ZNF595: variants seen among roughly 807,000 people sequenced by gnomAD.
ZNF595 encodes the protein zinc finger protein 595.
A neutral mutation model predicts 19.4 loss-of-function variants in ZNF595; 9 were observed. The observed-to-expected ratio is 0.46, with a 90% CI of 0.28 to 0.81. The LOEUF (loss-of-function observed/expected upper bound fraction) is 0.81, where lower values mean the gene tolerates loss of function less well. Among genes scored for constraint, ZNF595 ranks in the 30% least tolerant of loss-of-function variants. ZNF595 has a pLI of 0.11. For missense variants in ZNF595, 729 were observed against 736.0 expected, an observed-to-expected ratio of 0.99 and a Z score of 0.11; for synonymous variants, 255 against 255.9, an observed-to-expected ratio of 1.00 and a Z score of 0.03.
intron 3 of ZNF595, among the ~76,000 whole-genome samples, chr4:66,761 G>C (rs1390817470): frequency 0.022 from 3,369 of 152,078 alleles, 30 homozygotes; most frequent in Non-Finnish European, 0.034. Flanking sequence ...ATACACAGTG[G>C]TTTGTTTTTG....
rs1553802220 is a variant in ZNF595, at chr4:87,594, A to G, written c.*143A>G. 3.0e-6 allele frequency: 2 copies of G among 666,304 alleles called. No individual in the cohort carries two copies. The highest frequency in any genetic ancestry group is 1.8e-5 in the African/African-American group (1 of 54,274). The allele number at this position is 666,304 out of a possible 1,614,324, so 41.3% of individuals were successfully genotyped here. A position where few individuals can be genotyped will look rare whatever the true frequency, so the allele number is the denominator to read the frequency against. ...AGGTACATAGTATGTGTATCTATTC[A>G]TGGCTTATTTGGATTATTTTGATAC... On this transcript the variant is annotated 3_prime_UTR_variant, in exon 4 of 4. Transcript: ENST00000610261.
intron 3 of ZNF595, among the ~76,000 whole-genome samples, chr4:82,068 C>A (rs1419685036): frequency 6.6e-6 from 1 of 151,936 alleles, no homozygotes; most frequent in Non-Finnish European, 1.5e-5. Context: ...CACCTGTATA[C>A]CCATACTAAA....
intron 3 of ZNF595, among the ~76,000 whole-genome samples, chr4:83,214 T>G (rs1713987934): frequency 6.6e-6 from 1 of 152,166 alleles, no homozygotes; most frequent in Non-Finnish European, 1.5e-5. Context: ...TAGATGTACT[T>G]TGGGTAATAT....
rs1376921947 is a variant in ZNF595, at chr4:86,502, T to C, written c.998T>C (p.Ile333Thr). Residue 333 changes from isoleucine to threonine, a missense_variant, in exon 4 of 4, where the codon ATT becomes ACT. By Grantham distance (89) the Ile-to-Thr change is moderately conservative. This residue lies in a region of ZNF595 where 729 missense variants were observed against 675.3 expected (regional missense o/e 1.08). Transcript: ENST00000610261. ...AGGAGCCTGAATGAACATAAAAATA[T>C]TCATACTGGCGAAAAACCCTACACA... The part of the protein sequence containing the change: ...QSRSLNEHKN[I>T]HTGEKPYTCE... 2.5e-6 allele frequency: 4 copies of C among 1,613,868 alleles called. No individual in the cohort carries two copies. Among genetic ancestry groups the C allele is most frequent in the Non-Finnish European group, 2.5e-6 (3 of 1,179,962 alleles).
chr4:66,227 G>T (rs1198251406), intron 3 of ZNF595, among the ~76,000 whole-genome samples: 76 of 149,508 alleles, frequency 5.1e-4, no homozygotes, highest in Non-Finnish European at 6.1e-4. Flanking sequence ...CCTCATTGTG[G>T]TTTTTCTTTA....
chr4:83,599 G>GA (rs1268199352), intron 3 of ZNF595, among the ~76,000 whole-genome samples: 10 of 117,766 alleles, frequency 8.5e-5, no homozygotes, highest in African/African-American at 1.3e-4. Flanking sequence ...CAGCCTGGGT[G>GA]ACAGAGTGAG....
In ZNF595 at chr4:87,586, A is replaced by G; in HGVS notation, c.*135A>G. On this transcript the variant is annotated 3_prime_UTR_variant, in exon 4 of 4. Transcript: ENST00000610261. The stretch of plus-strand genomic sequence containing the variant: ...ATTTCTGTAGGTACATAGTATGTGT[A>G]TCTATTCATGGCTTATTTGGATTAT... 2.8e-6 allele frequency: 2 copies of G among 725,748 alleles called. No individual in the cohort carries two copies. Among genetic ancestry groups the G allele is most frequent in the Non-Finnish European group, 2.1e-6 (1 of 479,192 alleles). The allele number at this position is 725,748 out of a possible 1,614,324, so 45.0% of individuals were successfully genotyped here.
At position 86,714 on chromosome 4, in the gene ZNF595, G is replaced by A. The variant is rs781902299; in HGVS notation, c.1210G>A (p.Ala404Thr). ...KPYTCEECGKAFYRSSHLAKH... is the reference protein window; with the variant it reads ...KPYTCEECGKTFYRSSHLAKH... ...CTACACATGTGAAGAATGTGGCAAA[G>A]CTTTTTATAGGTCCTCACACCTTGC... is the stretch of plus-strand genomic sequence containing the variant. The change falls in exon 4 of 4, where the codon GCT becomes ACT. Residue 404 changes from alanine to threonine, a missense_variant. Physicochemically the swap from Ala to Thr is moderately conservative, Grantham distance 58 (BLOSUM62 0). Coordinates refer to ENST00000610261, the MANE Select transcript of ZNF595 (RefSeq NM_182524.4). The A allele has an allele frequency of 1.9e-6, 3 of 1,613,728 alleles. No homozygotes were observed. The highest frequency in any genetic ancestry group is 1.1e-5 in the South Asian group (1 of 91,052).
Position 86,653 on chromosome 4 carries a change from T to C in ZNF595, c.1149T>C (p.Leu383=), listed in dbSNP as rs782769942. The C allele has an allele frequency of 6.2e-7, 1 of 1,603,794 alleles. No individual in the cohort carries two copies. Among genetic ancestry groups the C allele is most frequent in the Non-Finnish European group, 8.5e-7 (1 of 1,176,546 alleles). Residue 383 remains leucine (L), a synonymous_variant, in exon 4 of 4, where the codon CTT becomes CTC. Coordinates refer to ENST00000610261, the MANE Select transcript of ZNF595 (RefSeq NM_182524.4). ...AAGCCTTTACTTGGTCCTCATCCCT[T>C]AATAAACATAAGAGAATTCATACTG... ...CGKAFTWSSS[L]NKHKRIHTGE...
chr4:85,353 G>T (rs1714087870), intron 3 of ZNF595, among the ~76,000 whole-genome samples: 2 of 152,302 alleles, frequency 1.3e-5, no homozygotes, highest in South Asian at 2.1e-4. Context: ...AAAGCCAGAA[G>T]TAAGGATATG....
chr4:57,975 C>T (rs1712694936), intron 1 of ZNF595, among the ~76,000 whole-genome samples: 3 of 152,404 alleles, frequency 2.0e-5, no homozygotes, highest in South Asian at 2.1e-4. Context: ...AAAGACAAAA[C>T]TGAAACTACT....
At position 85,806 on chromosome 4, in the gene ZNF595, A is replaced by T. The variant is rs1560093928; in HGVS notation, c.302A>T (p.Lys101Ile). ...GATTCATTCCACAAACTTATACTGAAAAGATACGAGAAATGTGGACATGAG... is the reference window on the plus strand; with the variant it reads ...GATTCATTCCACAAACTTATACTGATAAGATACGAGAAATGTGGACATGAG... ...IEDSFHKLIL[K>I]RYEKCGHENL... Residue 101 changes from lysine to isoleucine, a missense_variant, in exon 4 of 4, where the codon AAA (lysine) becomes ATA (isoleucine). By Grantham distance (102) the Lys-to-Ile change is moderately radical. Transcript: ENST00000610261. 6.2e-7 allele frequency: 1 copy of T among 1,613,890 alleles called. No individual in the cohort carries two copies. The highest frequency in any genetic ancestry group is 2.2e-5 in the East Asian group (1 of 44,858).
In ZNF595 at chr4:86,797, A is replaced by G; in HGVS notation, c.1293A>G (p.Lys431=). 1 of 1,613,976 alleles carries G rather than the reference A, an allele frequency of 6.2e-7. No homozygotes were observed. Among genetic ancestry groups the G allele is most frequent in the Non-Finnish European group, 8.5e-7 (1 of 1,179,912 alleles). Residue 431 remains lysine (K), a synonymous_variant, in exon 4 of 4, where the codon AAA becomes AAG. Transcript: ENST00000610261. ...EKPYTCEECG[K]AFNQSSTLIL... ...CCTACACGTGCGAAGAATGTGGCAAAGCTTTTAACCAATCCTCAACTCTTA... is the reference window on the plus strand; with the variant it reads ...CCTACACGTGCGAAGAATGTGGCAAGGCTTTTAACCAATCCTCAACTCTTA...
rs543032319 is a variant in ZNF595, at chr4:86,832, A to G, written c.1328A>G (p.Lys443Arg). 1.2e-4 allele frequency: 197 copies of G among 1,613,160 alleles called. 6 individuals are homozygous for G. In the South Asian group the frequency reaches 2.0e-3, roughly 17 times the overall value. The change falls in exon 4 of 4, where the codon AAG becomes AGG. Residue 443 changes from lysine (K) to arginine (R), a missense_variant. Coordinates refer to ENST00000610261, the MANE Select transcript of ZNF595 (RefSeq NM_182524.4). ...CAATCCTCAACTCTTATATTACACA[A>G]GAGAATCCATTCTGGGCAAAAACCT... ...FNQSSTLILH[K>R]RIHSGQKPYK...
chr4:64,502 C>A (rs1581328256), intron 3 of ZNF595, among the ~76,000 whole-genome samples: 2 of 152,400 alleles, frequency 1.3e-5, no homozygotes, highest in African/African-American at 4.8e-5. Flanking sequence ...ACCTGTAATG[C>A]CAGCACATTG....
intron 1 of ZNF595, among the ~76,000 whole-genome samples, chr4:54,983 G>T (rs1435710436): frequency 3.3e-5 from 5 of 151,372 alleles, no homozygotes; most frequent in Non-Finnish European, 7.4e-5. Flanking sequence ...CCAGGTTCAC[G>T]CCATTCTCCT....
At position 87,230 on chromosome 4, in the gene ZNF595, T is replaced by A; in HGVS notation, c.1726T>A (p.Ser576Thr). 5 of 1,595,032 alleles carry A rather than the reference T, an allele frequency of 3.1e-6. No homozygotes were observed. Among genetic ancestry groups the A allele is most frequent in the Non-Finnish European group, 4.3e-6 (5 of 1,167,700 alleles). ...CKECGKAYNL[S>T]STLTKHKRIH... ...AGAATGTGGCAAAGCCTATAACTTA[T>A]CCTCAACCCTTACTAAACATAAGAG... Residue 576 changes from serine to threonine, a missense_variant, in exon 4 of 4, where the codon TCC (serine) becomes ACC (threonine). Around this residue, in one of 2 missense-constraint regions of ZNF595, gnomAD observed 729 missense variants for 675.3 expected, o/e 1.08. Coordinates refer to ENST00000610261, the MANE Select transcript of ZNF595 (RefSeq NM_182524.4).
rs782804433 is a variant in ZNF595, at chr4:87,239, C to T, written c.1735C>T (p.Leu579Phe). ...CAAAGCCTATAACTTATCCTCAACC[C>T]TTACTAAACATAAGAGAATTCATAC... Reference protein sequence around the residue: ...CGKAYNLSSTLTKHKRIHTGE... With the variant: ...CGKAYNLSSTFTKHKRIHTGE... Residue 579 changes from leucine (L) to phenylalanine (F), a missense_variant, in exon 4 of 4, where the codon CTT (leucine) becomes TTT (phenylalanine). By Grantham distance (22) the Leu-to-Phe change is conservative. Transcript: ENST00000610261. 4.3e-5 allele frequency: 68 copies of T among 1,594,752 alleles called. No homozygotes were observed. The highest frequency in any genetic ancestry group is 5.4e-5 in the Non-Finnish European group (63 of 1,167,584).
intron 3 of ZNF595, among the ~76,000 whole-genome samples, chr4:83,297 A>T (rs1713991309): frequency 6.6e-6 from 1 of 151,976 alleles, no homozygotes; most frequent in Admixed American, 6.6e-5. Context: ...GTCTCCTTTA[A>T]TCATTAGATC....
Sources: allele counts gnomAD v4.1 joint callset (sites outside exome capture counted in the v4.1 genomes callset), GRCh38; gene constraint gnomAD v4.1.1; regional missense constraint gnomAD v4.1.1; transcripts MANE v1.5; gene names NCBI Gene and HGNC (gene_info 2026-07-23, HGNC 2026-07-21).